Variants in INPP5K observed in about 807,000 individuals in gnomAD.
INPP5K encodes the protein inositol polyphosphate 5-phosphatase K.
Under a neutral mutation model 53.5 loss-of-function variants are expected in INPP5K, and 35 were observed. The observed-to-expected ratio is 0.65, with a 90% CI of 0.50 to 0.87. INPP5K has a LOEUF of 0.87. Ranked by LOEUF, INPP5K falls within the 40% of genes least tolerant of loss-of-function variation. INPP5K has a pLI of 0.00. For synonymous variants in INPP5K, 253 were observed against 232.8 expected (o/e 1.09, Z -0.79); for missense variants, 550 against 586.2 (o/e 0.94, Z 0.64).
At chr17:1,501,905 T>C (rs1002739169) in intron 7 of INPP5K, among the ~76,000 whole-genome samples, 5 of 149,972 alleles carry the variant, frequency 3.3e-5, no homozygotes, top group Non-Finnish European at 5.9e-5. Flanking sequence ...CGTGGTGGCA[T>C]GTGCCTGTAA....
At chr17:1,506,617 G>T (rs1014343492) in intron 7 of INPP5K, among the ~76,000 whole-genome samples, 5 of 152,158 alleles carry the variant, frequency 3.3e-5, no homozygotes, top group Non-Finnish European at 7.3e-5. Context: ...TAACTGGCTG[G>T]GCCAAGCTTT....
chr17:1,500,543 T>G (rs143214129), intron 7 of INPP5K, among the ~76,000 whole-genome samples: 1,565 of 152,266 alleles, frequency 0.01, 26 homozygotes, highest in African/African-American at 0.036. Context: ...TTTTTTGTAT[T>G]TTTAGTAGAG....
chr17:1,515,627 G>A (rs573703850), intron 1 of INPP5K: 27 of 978,988 alleles, frequency 2.8e-5, no homozygotes, highest in African/African-American at 1.7e-5. Flanking sequence ...GAAAAGGGCA[G>A]TTAATGCCAA....
chr17:1,507,187 G>C (rs2075179679), intron 6 of INPP5K, 98 bp from the exon 7 acceptor site: 1 of 851,194 alleles, frequency 1.2e-6, no homozygotes, highest in African/African-American at 1.7e-5. Flanking sequence ...GTCACAAATG[G>C]GGCAAGAGTC....
intron 9 of INPP5K, 72 bp from the exon 10 acceptor site, chr17:1,496,474 G>T: frequency 7.2e-7 from 1 of 1,382,172 alleles, no homozygotes; most frequent in Non-Finnish European, 1.0e-6. Flanking sequence ...AGGAAGAGAT[G>T]GTCTCCCTGC....
rs1358950036 is a variant in INPP5K at position 1,507,253 on chromosome 17, C to T, written c.667-164G>A. 1.4e-5 allele frequency: 8 copies of T among 583,548 alleles called. 1 individual carries two copies. Among genetic ancestry groups the T allele is most frequent in the South Asian group, 1.3e-4 (6 of 47,216 alleles). 36.1% of individuals were successfully genotyped at this position (583,548 alleles called of 1,614,324 possible). A position where few individuals can be genotyped will look rare whatever the true frequency, so the allele number is the denominator to read the frequency against. ...CAGTGACTACTCAGCAGCCCACTCC[C>T]ACCAGAAAGCAGGCGAATCCTTTCG... On this transcript the variant is annotated intron_variant, in intron 6 of 11. Transcript: ENST00000421807.
At chr17:1,515,256 A>C (rs927609154) in intron 1 of INPP5K, among the ~76,000 whole-genome samples, 1 of 152,182 alleles carries the variant, frequency 6.6e-6, no homozygotes, top group Non-Finnish European at 1.5e-5. Context: ...TTAAGAGTCT[A>C]TGCTCTATGT....
Position 1,496,081 on chromosome 17 carries a change from C to T in INPP5K, c.1269G>A (p.Val423=), listed in dbSNP as rs189461761. ...CYYSNSLRSV[V]GISRPFQIPP... is the part of the protein sequence containing the mutation. Reference sequence around the variant, plus strand: ...TTACCTGGAAGGGTCTGCTTATCCCCACCACAGAACGCAGACTGTTGCTGT... The same window carrying T: ...TTACCTGGAAGGGTCTGCTTATCCCTACCACAGAACGCAGACTGTTGCTGT... Residue 423 remains valine (V), a synonymous_variant, in exon 11 of 12, where the codon GTG becomes GTA. Coordinates refer to ENST00000421807, the MANE Select transcript of INPP5K (RefSeq NM_016532.4). The T allele has an allele frequency of 1.9e-4, 300 of 1,611,440 alleles. 1 individual carries two copies. The East Asian group carries it at 6.2e-3, about 34-fold the overall frequency.
chr17:1,509,605 A>T, intron 4 of INPP5K, 78 bp downstream of exon 4: 1 of 1,035,790 alleles, frequency 9.7e-7, no homozygotes, highest in Non-Finnish European at 1.5e-6. Context: ...GATTCCTTTC[A>T]CTTCCTTTTT....
At chr17:1,508,027 C>T (rs2075204246) in intron 6 of INPP5K, 88 bp downstream of exon 6, 5 of 955,868 alleles carry the variant, frequency 5.2e-6, no homozygotes, top group Non-Finnish European at 8.4e-6. Context: ...AAAACAGCAG[C>T]GAGGGCATCT....
rs61733750 is a variant in INPP5K, at chr17:1,513,937, A to C, written c.87T>G (p.Pro29=). 0.064 allele frequency: 103,252 copies of C among 1,612,952 alleles called. 3,742 individuals carry two copies. The highest frequency in any genetic ancestry group is 0.075 in the Non-Finnish European group (88,636 of 1,179,176). ...GCTGAAGCAGGTCACTGAGATCTAG[A>C]GGGGGCGCTGCCGAAGCCACGTTCC... The part of the protein sequence containing the change: ...VTWNVASAAP[P]LDLSDLLQLN... The change falls in exon 2 of 12, where the codon CCT becomes CCG. Residue 29 remains proline, a synonymous_variant. Coordinates refer to ENST00000421807, the MANE Select transcript of INPP5K (RefSeq NM_016532.4).
Position 1,502,336 on chromosome 17 carries a change from G to A in INPP5K, c.777-4214C>T, listed in dbSNP as rs113939582. ...TGCACTCCAGCCTGGGCGACAGAGC[G>A]AGACTCCGTCTCAAACAAACAAACA... On this transcript the variant is annotated intron_variant, in intron 7 of 11. Transcript: ENST00000421807. Among the ~76,000 whole-genome samples the A allele has an allele frequency of 2.8e-4, 43 of 152,224 alleles. 1 individual carries two copies. The highest frequency in any genetic ancestry group is 6.8e-3 in the Middle Eastern group (2 of 294).
At chr17:1,496,205 C>T in intron 10 of INPP5K, 41 bp from the exon 11 acceptor site, 1 of 1,529,786 alleles carries the variant, frequency 6.5e-7, no homozygotes, top group South Asian at 1.1e-5. Flanking sequence ...CTCCAGGGCT[C>T]TGGGCTCCAC....
At chr17:1,496,881 C>T (rs2074864017) in intron 8 of INPP5K, 78 bp from the exon 9 acceptor site, 2 of 1,496,982 alleles carry the variant, frequency 1.3e-6, no homozygotes, top group East Asian at 4.8e-5. Flanking sequence ...CTCACTGTGC[C>T]CTTCCAACAT....
intron 7 of INPP5K, among the ~76,000 whole-genome samples, chr17:1,500,413 G>A (rs1001598387): frequency 3.1e-4 from 46 of 150,794 alleles, no homozygotes; most frequent in African/African-American, 1.1e-3. Flanking sequence ...TGCCCAGGCT[G>A]GAGTGCACTG....
In INPP5K at chr17:1,509,292, TTGA is replaced by T; in HGVS notation, c.437_439del (p.Ile146del). On this transcript the variant is annotated inframe_deletion, in exon 5 of 12. Transcript: ENST00000421807. Reference sequence around the variant, plus strand: ...GGAAATGTGGGGAGGCAGGTGGCAGTTGATGATGCTGACATAGTAGCCATAAAG... The same window carrying T: ...GGAAATGTGGGGAGGCAGGTGGCAGTTGATGCTGACATAGTAGCCATAAAG... 1.2e-6 allele frequency: 2 copies of T among 1,614,114 alleles called. No individual in the cohort carries two copies. The highest frequency in any genetic ancestry group is 1.7e-6 in the Non-Finnish European group (2 of 1,180,004).
intron 3 of INPP5K, among the ~76,000 whole-genome samples, chr17:1,510,028 G>A (rs139365824): frequency 1.7e-4 from 26 of 152,348 alleles, no homozygotes; most frequent in Admixed American, 7.8e-4. Flanking sequence ...GCGCCTAGGC[G>A]TGCGGGTGGC....
At chr17:1,514,905 CTTTTTTTT>C (rs774754833) in intron 1 of INPP5K, among the ~76,000 whole-genome samples, 1 of 134,492 alleles carries the variant, frequency 7.4e-6, no homozygotes, top group African/African-American at 2.9e-5. Flanking sequence ...TTCAGCGAGA[CTTTTTTTT>C]TTTTTTTTTT....
rs1405550597 is a variant in INPP5K at position 1,509,739 on chromosome 17, G to C, written c.322C>G (p.Pro108Ala). ...LLVFAKYQHL[P>A]YIQILSTKST... Reference sequence around the variant, plus strand: ...TTAGTAGACAGAATCTGGATATAGGGCAAATGCTGATACTTGGCAAAGACC... The same window carrying C: ...TTAGTAGACAGAATCTGGATATAGGCCAAATGCTGATACTTGGCAAAGACC... Residue 108 changes from proline to alanine, a missense_variant, in exon 4 of 12, where the codon CCC (proline) becomes GCC (alanine). Transcript: ENST00000421807. 1.9e-6 allele frequency: 3 copies of C among 1,613,662 alleles called. No individual in the cohort carries two copies. The highest frequency in any genetic ancestry group is 3.3e-5 in the Admixed American group (2 of 59,968).
Sources: allele counts gnomAD v4.1 joint callset (sites outside exome capture counted in the v4.1 genomes callset), GRCh38; gene constraint gnomAD v4.1.1; transcripts MANE v1.5; gene names NCBI Gene and HGNC (gene_info 2026-07-23, HGNC 2026-07-21).